The following PTPRT variants were observed in gnomAD, a reference collection of about 807,000 sequenced individuals.
PTPRT encodes protein tyrosine phosphatase receptor type T, also known as receptor-type tyrosine-protein phosphatase T.
PTPRT carries 56 observed loss-of-function variants against 176.8 expected under a neutral mutation model. That is an observed-to-expected ratio of 0.32 (90% CI 0.26 to 0.40). The LOEUF (loss-of-function observed/expected upper bound fraction) is 0.40. Ranked by LOEUF, PTPRT falls within the 10% of genes least tolerant of loss-of-function variation. The pLI, the probability that PTPRT is intolerant of heterozygous loss-of-function variation, is 1.00. For missense variants in PTPRT, 1,540 were observed against 1,908.2 expected (o/e 0.81, Z 3.60); for synonymous variants, 783 against 739.0 (o/e 1.06, Z -0.96).
chr20:42,666,358 T>G (rs932792695), intron 7 of PTPRT, among the ~76,000 whole-genome samples: 11 of 151,264 alleles, frequency 7.3e-5, no homozygotes, highest in Non-Finnish European at 1.0e-4. Flanking sequence ...AAATATACTT[T>G]CATTCATGCA....
At chr20:42,108,120 C>A (rs73131110) in intron 23 of PTPRT, among the ~76,000 whole-genome samples, 7 of 151,698 alleles carry the variant, frequency 4.6e-5, no homozygotes, top group African/African-American at 9.7e-5. Context: ...AATTTGGTTC[C>A]AAATTTTGGA....
rs1162391997 is a variant in PTPRT, at chr20:42,463,817, A to G, written c.1450+8449T>C. Among the ~76,000 whole-genome samples the G allele has an allele frequency of 2.0e-5, 3 of 152,316 alleles. No homozygotes were observed. The East Asian group carries it at 5.8e-4, about 29-fold the overall frequency. On this transcript the variant is annotated intron_variant, in intron 8 of 30. Transcript: ENST00000373187. ...CCATATTTCTTTATTCATTCATTAT[A>G]CAGAGGCTTGGAACTAACTTAATAA...
chr20:42,738,278 G>A (rs1011153164), intron 6 of PTPRT, among the ~76,000 whole-genome samples: 4 of 152,100 alleles, frequency 2.6e-5, no homozygotes, highest in African/African-American at 4.8e-5. Context: ...TTGGGAGGCC[G>A]AGGTGAGTGG....
chr20:42,275,881 G>GT (rs1231192976), intron 13 of PTPRT, among the ~76,000 whole-genome samples: 1 of 152,148 alleles, frequency 6.6e-6, no homozygotes, highest in Non-Finnish European at 1.5e-5. Flanking sequence ...CCTGGAAAAT[G>GT]TATCTCATGG....
intron 6 of PTPRT, among the ~76,000 whole-genome samples, chr20:42,692,628 A>G (rs978991503): frequency 1.3e-5 from 2 of 152,180 alleles, no homozygotes; most frequent in Non-Finnish European, 2.9e-5. Flanking sequence ...GATTTCCCCA[A>G]TTCTACTGGT....
intron 2 of PTPRT, among the ~76,000 whole-genome samples, chr20:42,826,683 C>A (rs2077999611): frequency 6.6e-6 from 1 of 152,150 alleles, no homozygotes; most frequent in South Asian, 2.1e-4. Context: ...AACAAAATGG[C>A]AAGATCAAAT....
chr20:42,662,169 C>T (rs2075235435), intron 7 of PTPRT, among the ~76,000 whole-genome samples: 1 of 152,168 alleles, frequency 6.6e-6, no homozygotes, highest in African/African-American at 2.4e-5. Flanking sequence ...AACTCACCTG[C>T]AGAAATGCCT....
intron 1 of PTPRT, among the ~76,000 whole-genome samples, chr20:43,034,779 T>C (rs1434392382): frequency 6.6e-6 from 1 of 152,066 alleles, no homozygotes; most frequent in Non-Finnish European, 1.5e-5. Context: ...ACCTCTCCTG[T>C]TGACCAAACC....
At chr20:42,673,281 C>T (rs2075443507) in intron 7 of PTPRT, among the ~76,000 whole-genome samples, 3 of 152,286 alleles carry the variant, frequency 2.0e-5, no homozygotes, top group South Asian at 2.1e-4. Context: ...AACATCCTTC[C>T]AAAGAGCCAT....
rs1476901775 is a variant in PTPRT at position 42,475,628 on chromosome 20, AAT to A, written c.1154-3068_1154-3067del. 2.0e-5 allele frequency among the ~76,000 whole-genome samples: 3 copies of A among 152,264 alleles called. No individual in the cohort carries two copies. In the East Asian group the frequency reaches 5.8e-4, roughly 29 times the overall value. Reference sequence around the variant, plus strand: ...GAAGACAATAGTGAGAGAAAGCCAAAATACTACAAGGCAAAAATGACTTGGGT... The same window carrying A: ...GAAGACAATAGTGAGAGAAAGCCAAAACTACAAGGCAAAAATGACTTGGGT... On this transcript the variant is annotated intron_variant, in intron 7 of 30. Transcript: ENST00000373187.
chr20:42,999,709 A>G (rs1984443124), intron 1 of PTPRT, among the ~76,000 whole-genome samples: 1 of 151,932 alleles, frequency 6.6e-6, no homozygotes, highest in Non-Finnish European at 1.5e-5. Flanking sequence ...TAGGAGGCTG[A>G]GGCCAGAGGA....
At chr20:42,161,231 A>T in intron 17 of PTPRT, 121 bp downstream of exon 17, 1 of 1,121,742 alleles carries the variant, frequency 8.9e-7, no homozygotes, top group Non-Finnish European at 1.3e-6. Flanking sequence ...TGCATTTCCT[A>T]CACGCTCCCA....
the PTPRT span, among the ~76,000 whole-genome samples, chr20:42,059,292 GA>G: frequency 1.3e-5 from 2 of 152,122 alleles, no homozygotes; most frequent in African/African-American, 4.8e-5. Flanking sequence ...AGGGAAGATA[GA>G]AAGTGCTCAG....
At chr20:42,622,345 C>T (rs942503670) in intron 7 of PTPRT, among the ~76,000 whole-genome samples, 11 of 151,942 alleles carry the variant, frequency 7.2e-5, no homozygotes, top group Non-Finnish European at 1.2e-4. Flanking sequence ...GGGTTCATGC[C>T]ATTCTCCTGC....
intron 1 of PTPRT, among the ~76,000 whole-genome samples, chr20:43,158,276 G>A (rs757962727): frequency 6.6e-6 from 1 of 152,156 alleles, no homozygotes. Context: ...AGTTGCCATT[G>A]ACTGACATGA....
chr20:42,607,595 T>C (rs1248305192), intron 7 of PTPRT: 2 of 152,502 alleles, frequency 1.3e-5, no homozygotes, highest in Non-Finnish European at 2.9e-5. Context: ...GTGAAAATTC[T>C]TAAACTTGGA....
chr20:42,664,144 A>C (rs1239296948), intron 7 of PTPRT, among the ~76,000 whole-genome samples: 2 of 152,224 alleles, frequency 1.3e-5, no homozygotes, highest in Admixed American at 6.5e-5. Context: ...GATCATCTGT[A>C]ACACTGGACA....
intron 7 of PTPRT, among the ~76,000 whole-genome samples, chr20:42,672,701 A>G (rs2075434184): frequency 6.6e-6 from 1 of 152,146 alleles, no homozygotes; most frequent in African/African-American, 2.4e-5. Context: ...ACACTTGACA[A>G]TCTCCCCCTT....
intron 1 of PTPRT, among the ~76,000 whole-genome samples, chr20:42,913,110 T>C (rs1978506967): frequency 6.6e-6 from 1 of 152,230 alleles, no homozygotes; most frequent in Non-Finnish European, 1.5e-5. Context: ...TTAAAACGAC[T>C]GTATGGATAC....
Sources: gnomAD v4.1 joint callset for allele counts (sites outside exome capture counted in the v4.1 genomes callset) on GRCh38, gnomAD v4.1.1 for gene constraint, MANE v1.5 for transcripts, NCBI Gene and HGNC (gene_info 2026-07-23, HGNC 2026-07-21) for gene names.